PCDH19: variants seen among roughly 807,000 people sequenced by gnomAD.
PCDH19 encodes the protein protocadherin 19, also known as protocadherin-19.
A neutral mutation model predicts 46.2 loss-of-function variants in PCDH19; 6 were observed. The observed-to-expected ratio is 0.13, with a 90% confidence interval of 0.07 to 0.26. The LOEUF is 0.26. Among genes scored for constraint, PCDH19 ranks in the 10% least tolerant of loss-of-function variants. The pLI, the probability that PCDH19 is intolerant of heterozygous loss-of-function variation, is 1.00. For synonymous variants in PCDH19, 481 were observed against 415.7 expected, an observed-to-expected ratio of 1.16 and a Z score of -1.91; for missense variants, 740 against 972.3, an observed-to-expected ratio of 0.76 and a Z score of 3.18.
At chrX:100,358,491 C>T (rs1460725149) in intron 3 of PCDH19, among the ~76,000 whole-genome samples, 2 of 112,461 alleles carry the variant, frequency 1.8e-5, no homozygotes, top group African/African-American at 6.5e-5. Flanking sequence ...TTAGGGAAAG[C>T]ACTTTTCTTT....
At chrX:100,333,159 A>G (rs867800189) in intron 5 of PCDH19, among the ~76,000 whole-genome samples, 2,754 of 44,920 alleles carry the variant, frequency 0.061, 174 homozygotes, top group East Asian at 0.13. Flanking sequence ...GGAAGGAAGG[A>G]AGGAAGGAAG....
chrX:100,306,872 A>G (rs745990681), intron 5 of PCDH19, among the ~76,000 whole-genome samples: 1 of 111,702 alleles, frequency 9.0e-6, no homozygotes, highest in Non-Finnish European at 1.9e-5. Context: ...AGATATAGAA[A>G]CTCGTAACAG....
At chrX:100,365,565 C>T (rs1927045335) in intron 3 of PCDH19, among the ~76,000 whole-genome samples, 3 of 112,050 alleles carry the variant, frequency 2.7e-5, no homozygotes, top group Non-Finnish European at 5.6e-5. Flanking sequence ...CCTGACAATG[C>T]TATGCTGTCC....
rs766005861 is a variant in PCDH19 at position 100,296,484 on chromosome X, G to A, written c.3240C>T (p.Ser1080=). ...HLKSSLPTKP[S]VSYTIALAPP... is the part of the protein sequence containing the mutation. ...GAGCCAGGGCAATGGTGTAAGACAC[G>A]GAAGGCTTGGTGGGCAGAGAGCTCT... is the stretch of plus-strand genomic sequence containing the variant. The change falls in exon 6 of 6, where the codon TCC becomes TCT. Residue 1080 remains serine, a synonymous_variant. Coordinates refer to ENST00000373034, the MANE Select transcript of PCDH19 (RefSeq NM_001184880.2). 5.8e-6 allele frequency: 7 copies of A among 1,209,255 alleles called. No homozygotes were observed. The highest frequency in any genetic ancestry group is 2.3e-4 in the Middle Eastern group (1 of 4,370).
chrX:100,305,231 AG>A (rs1215301265), intron 5 of PCDH19, among the ~76,000 whole-genome samples: 1 of 112,345 alleles, frequency 8.9e-6, no homozygotes, highest in Non-Finnish European at 1.9e-5. Context: ...ATTTCTCAGC[AG>A]AAACCCTACA....
chrX:100,348,638 G>A (rs1193822932), intron 4 of PCDH19, among the ~76,000 whole-genome samples: 1 of 111,535 alleles, frequency 9.0e-6, no homozygotes, highest in African/African-American at 3.3e-5. Flanking sequence ...TTTTCACCAA[G>A]AGCCCATTAA....
intron 3 of PCDH19, among the ~76,000 whole-genome samples, chrX:100,379,287 C>T (rs1314035641): frequency 1.9e-5 from 2 of 107,147 alleles, no homozygotes; most frequent in Non-Finnish European, 3.9e-5. Flanking sequence ...GCACCAACAA[C>T]TCTGAGATCT....
chrX:100,316,667 C>A (rs148361752), intron 5 of PCDH19, among the ~76,000 whole-genome samples: 125 of 112,039 alleles, frequency 1.1e-3, no homozygotes, highest in African/African-American at 3.9e-3. Flanking sequence ...ATTGGATGAT[C>A]CATAATATTT....
Position 100,403,202 on chromosome X carries a change from T to C in PCDH19, c.2288+322A>G, listed in dbSNP as rs1262702750. On this transcript the variant is annotated intron_variant, in intron 2 of 5. Transcript: ENST00000373034. ...AAAATGCTCAAATCTGGAGCTTCCCTGGAACCAAAAGGAACTCCTAGGTGA... is the reference window on the plus strand; with the variant it reads ...AAAATGCTCAAATCTGGAGCTTCCCCGGAACCAAAAGGAACTCCTAGGTGA... 2.7e-5 allele frequency among the ~76,000 whole-genome samples: 3 copies of C among 111,576 alleles called. 1 individual carries two copies. The East Asian group carries it at 8.5e-4, about 32-fold the overall frequency.
intron 3 of PCDH19, among the ~76,000 whole-genome samples, chrX:100,355,010 A>G (rs1423581921): frequency 1.8e-5 from 2 of 111,871 alleles, no homozygotes; most frequent in Non-Finnish European, 3.8e-5. Context: ...TCACTTTCTT[A>G]TTATTTAGTA....
intron 3 of PCDH19, among the ~76,000 whole-genome samples, chrX:100,378,647 C>A (rs1248571259): frequency 8.9e-6 from 1 of 112,453 alleles, no homozygotes; most frequent in Non-Finnish European, 1.9e-5. Flanking sequence ...ACAAGCCAAG[C>A]AATTCTTTCT....
chrX:100,313,772 G>GA (rs1244153086), intron 5 of PCDH19, among the ~76,000 whole-genome samples: 3 of 108,820 alleles, frequency 2.8e-5, no homozygotes, highest in Non-Finnish European at 3.8e-5. Context: ...GGTAGAAAAG[G>GA]GTTGGAAAGG....
At chrX:100,318,201 T>A (rs1194511263) in intron 5 of PCDH19, among the ~76,000 whole-genome samples, 1 of 111,924 alleles carries the variant, frequency 8.9e-6, no homozygotes, top group Non-Finnish European at 1.9e-5. Flanking sequence ...GATCTAAGAC[T>A]TAACAGCCCT....
chrX:100,299,508 G>A (rs917791301), intron 5 of PCDH19, among the ~76,000 whole-genome samples: 5 of 111,330 alleles, frequency 4.5e-5, no homozygotes, highest in Admixed American at 9.5e-5. Flanking sequence ...CAAATGAACA[G>A]CATGAGGAGA....
intron 3 of PCDH19, among the ~76,000 whole-genome samples, chrX:100,370,509 G>C (rs1191116682): frequency 1.8e-5 from 2 of 112,045 alleles, no homozygotes; most frequent in African/African-American, 6.5e-5. Flanking sequence ...GCACGATTAA[G>C]AATTTGGTAA....
Position 100,296,430 on chromosome X carries a change from G to C in PCDH19, c.3294C>G (p.Val1098=). 1 of 1,211,271 alleles carries C rather than the reference G, an allele frequency of 8.3e-7. No homozygotes were observed. The highest frequency in any genetic ancestry group is 1.1e-6 in the Non-Finnish European group (1 of 895,225). Residue 1098 remains valine (V), a synonymous_variant, in exon 6 of 6, where the codon GTC becomes GTG. Coordinates refer to ENST00000373034, the MANE Select transcript of PCDH19 (RefSeq NM_001184880.2). ...APPARDLEQY[V]NNVNNGPTRP... ...GAGTAGGGCCATTGTTGACATTGTT[G>C]ACATACTGCTCCAGATCACGGGCTG...
chrX:100,404,562 G>A (rs916191602), intron 1 of PCDH19, among the ~76,000 whole-genome samples: 1 of 109,726 alleles, frequency 9.1e-6, no homozygotes, highest in African/African-American at 3.3e-5. Flanking sequence ...GAAACAGAAC[G>A]CTTCACAAAA....
intron 5 of PCDH19, among the ~76,000 whole-genome samples, chrX:100,315,593 T>A (rs1042019531): frequency 1.8e-5 from 2 of 112,449 alleles, no homozygotes; most frequent in African/African-American, 6.5e-5. Flanking sequence ...ACAGCCTTCC[T>A]GTCTGTTCCG....
At chrX:100,311,402 T>C (rs1253416125) in intron 5 of PCDH19, among the ~76,000 whole-genome samples, 1 of 111,230 alleles carries the variant, frequency 9.0e-6, no homozygotes, top group African/African-American at 3.3e-5. Context: ...TACTGTTGAA[T>C]GGAACAAAAA....
Sources: gnomAD v4.1 joint callset for allele counts (sites outside exome capture counted in the v4.1 genomes callset) on GRCh38, gnomAD v4.1.1 for gene constraint, MANE v1.5 for transcripts, NCBI Gene and HGNC (gene_info 2026-07-23, HGNC 2026-07-21) for gene names.